ZNF704: variants seen among roughly 807,000 people sequenced by gnomAD.
ZNF704 encodes zinc finger protein 704, also known as glucocorticoid induced gene 1.
ZNF704 carries 10 observed loss-of-function variants against 44.7 expected under a neutral mutation model. The observed-to-expected ratio is 0.22, with a 90% CI of 0.14 to 0.38. The LOEUF (loss-of-function observed/expected upper bound fraction) is 0.38. Among genes scored for constraint, ZNF704 ranks in the 10% least tolerant of loss-of-function variants. The probability of loss-of-function intolerance (pLI) is 1.00; values close to 1 mark genes in which losing one functional copy is unlikely to be tolerated. For synonymous variants in ZNF704, 211 were observed against 207.6 expected, an observed-to-expected ratio of 1.02 and a Z score of -0.14; for missense variants, 390 against 545.5, an observed-to-expected ratio of 0.71 and a Z score of 2.84.
At chr8:80,730,296 G>C (rs1259123429) in intron 2 of ZNF704, among the ~76,000 whole-genome samples, 1 of 152,066 alleles carries the variant, frequency 6.6e-6, no homozygotes, top group Non-Finnish European at 1.5e-5. Flanking sequence ...CCAGCACTTT[G>C]GGAGGCCGAA....
At chr8:80,872,277 C>T (rs1233601928) in intron 1 of ZNF704, among the ~76,000 whole-genome samples, 2 of 152,298 alleles carry the variant, frequency 1.3e-5, no homozygotes, top group East Asian at 3.9e-4. Context: ...AACTATCATC[C>T]CAAATAACTA....
At chr8:80,817,178 C>A (rs1808189872) in intron 2 of ZNF704, among the ~76,000 whole-genome samples, 2 of 152,162 alleles carry the variant, frequency 1.3e-5, no homozygotes, top group Admixed American at 1.3e-4. Context: ...GCCCGCACAG[C>A]CTAGGGCACT....
At chr8:80,800,515 C>A (rs1161271183) in intron 2 of ZNF704, among the ~76,000 whole-genome samples, 1 of 152,136 alleles carries the variant, frequency 6.6e-6, no homozygotes, top group East Asian at 1.9e-4. Flanking sequence ...ACCCAAAATT[C>A]TTAAAGAAAA....
chr8:80,701,426 TCA>T (rs1818808480), intron 2 of ZNF704, among the ~76,000 whole-genome samples: 1 of 151,960 alleles, frequency 6.6e-6, no homozygotes, highest in Admixed American at 6.6e-5. Flanking sequence ...AAGGTCTTTG[TCA>T]CATTCTGCCT....
chr8:80,782,178 C>T (rs1468302974), intron 2 of ZNF704, among the ~76,000 whole-genome samples: 1 of 152,138 alleles, frequency 6.6e-6, no homozygotes, highest in African/African-American at 2.4e-5. Context: ...GCCTCTCTAC[C>T]TGGGTTGCAG....
intron 2 of ZNF704, among the ~76,000 whole-genome samples, chr8:80,760,379 C>T (rs80172967): frequency 0.046 from 7,046 of 152,080 alleles, 580 homozygotes; most frequent in African/African-American, 0.16. Context: ...AATACCTGGC[C>T]GGGCACGGTG....
At chr8:80,662,043 GT>G (rs1818109954) in intron 6 of ZNF704, among the ~76,000 whole-genome samples, 1 of 152,066 alleles carries the variant, frequency 6.6e-6, no homozygotes, top group Non-Finnish European at 1.5e-5. Flanking sequence ...ATAACAAAAT[GT>G]TCTGTGTACC....
At chr8:80,825,199 A>C (rs955607272) in intron 1 of ZNF704, among the ~76,000 whole-genome samples, 45 of 152,036 alleles carry the variant, frequency 3.0e-4, no homozygotes, top group African/African-American at 1.0e-3. Flanking sequence ...GCAGAGACAC[A>C]CATAGGCTCA....
chr8:80,665,088 G>A lies in ZNF704; in HGVS notation c.660-6C>T, dbSNP rs767982293. 2 of 1,613,066 alleles carry A rather than the reference G, an allele frequency of 1.2e-6. No homozygotes were observed. Among genetic ancestry groups the A allele is most frequent in the South Asian group, 2.2e-5 (2 of 91,068 alleles). ...AGTCAGAGTCTCCAACGCGCCTAATGCAAAAGAGAGTAAAACAATCATACT... is the reference window on the plus strand; with the variant it reads ...AGTCAGAGTCTCCAACGCGCCTAATACAAAAGAGAGTAAAACAATCATACT... On this transcript the variant is annotated splice_polypyrimidine_tract_variant and splice_region_variant and intron_variant, in intron 5 of 8. Coordinates refer to ENST00000327835, the MANE Select transcript of ZNF704 (RefSeq NM_001033723.3).
chr8:80,763,687 AC>A (rs1435395822), intron 2 of ZNF704, among the ~76,000 whole-genome samples: 1 of 152,168 alleles, frequency 6.6e-6, no homozygotes, highest in Non-Finnish European at 1.5e-5. Context: ...GCTCCTCATT[AC>A]CTATGTAAAT....
At chr8:80,735,490 C>T (rs1806651191) in intron 2 of ZNF704, among the ~76,000 whole-genome samples, 1 of 152,192 alleles carries the variant, frequency 6.6e-6, no homozygotes, top group Non-Finnish European at 1.5e-5. Flanking sequence ...CTAAAGTTCC[C>T]ACACAAAATC....
At chr8:80,734,366 C>T (rs1345329939) in intron 2 of ZNF704, among the ~76,000 whole-genome samples, 1 of 152,140 alleles carries the variant, frequency 6.6e-6, no homozygotes, top group Admixed American at 6.5e-5. Flanking sequence ...AGGATGCCTA[C>T]CTAATGGTTA....
chr8:80,692,201 T>C (rs1818649663), intron 3 of ZNF704, among the ~76,000 whole-genome samples: 1 of 152,174 alleles, frequency 6.6e-6, no homozygotes, highest in Non-Finnish European at 1.5e-5. Flanking sequence ...TTATTTATTG[T>C]ATTGGATTAT....
intron 2 of ZNF704, among the ~76,000 whole-genome samples, chr8:80,815,933 C>T (rs1808170238): frequency 1.3e-5 from 2 of 152,210 alleles, no homozygotes; most frequent in Admixed American, 1.3e-4. Flanking sequence ...ATGTTTCTAG[C>T]TGTTCACCCT....
chr8:80,730,430 T>C (rs1411584295), intron 2 of ZNF704, among the ~76,000 whole-genome samples: 1 of 149,662 alleles, frequency 6.7e-6, no homozygotes, highest in African/African-American at 2.5e-5. Context: ...TCCCAGCTAC[T>C]AGGGAGGCTG....
intron 2 of ZNF704, among the ~76,000 whole-genome samples, chr8:80,743,134 T>G (rs1453708836): frequency 7.0e-6 from 1 of 142,956 alleles, no homozygotes; most frequent in Admixed American, 7.1e-5. Flanking sequence ...CTACCCACTT[T>G]GGGTCCCCTC....
At chr8:80,775,597 A>G (rs993343564) in intron 2 of ZNF704, among the ~76,000 whole-genome samples, 2 of 152,250 alleles carry the variant, frequency 1.3e-5, no homozygotes, top group African/African-American at 4.8e-5. Flanking sequence ...TTAGAACAGT[A>G]ATCATCATTT....
intron 2 of ZNF704, among the ~76,000 whole-genome samples, chr8:80,712,673 A>G (rs1208937988): frequency 2.6e-5 from 4 of 151,884 alleles, no homozygotes; most frequent in African/African-American, 9.7e-5. Context: ...TACTAAATGG[A>G]TAGTATGTTG....
At chr8:80,669,321 C>T (rs1585938100) in intron 5 of ZNF704, among the ~76,000 whole-genome samples, 1 of 152,284 alleles carries the variant, frequency 6.6e-6, no homozygotes, top group East Asian at 1.9e-4. Flanking sequence ...TCCCTGAAGG[C>T]TTGAGGAGCA....
Sources: gnomAD v4.1 joint callset for allele counts (sites outside exome capture counted in the v4.1 genomes callset) on GRCh38, gnomAD v4.1.1 for gene constraint, MANE v1.5 for transcripts, NCBI Gene and HGNC (gene_info 2026-07-23, HGNC 2026-07-21) for gene names.